Variants in DNAH3 observed in about 807,000 individuals in gnomAD.
DNAH3 encodes dynein axonemal heavy chain 3.
DNAH3 carries 332 observed loss-of-function variants against 432.5 expected under a neutral mutation model. The ratio of observed to expected loss-of-function variants is 0.77; its 90% confidence interval spans 0.70 to 0.84. The LOEUF (loss-of-function observed/expected upper bound fraction) is 0.84. Ranked by LOEUF, DNAH3 falls within the 40% of genes least tolerant of loss-of-function variation. The probability of loss-of-function intolerance (pLI) is 0.00; values close to 1 mark genes in which losing one functional copy is unlikely to be tolerated. For synonymous variants in DNAH3, 1,956 were observed against 1,900.2 expected, an observed-to-expected ratio of 1.03 and a Z score of -0.76; for missense variants, 4,861 against 5,114.0, an observed-to-expected ratio of 0.95 and a Z score of 1.51.
At chr16:21,035,479 C>A (rs2048182539) in intron 35 of DNAH3, among the ~76,000 whole-genome samples, 1 of 152,070 alleles carries the variant, frequency 6.6e-6, no homozygotes, top group Non-Finnish European at 1.5e-5. Context: ...TACTAAGCTA[C>A]ATGAAAGTTC....
chr16:21,141,615 C>T (rs1185124270), intron 3 of DNAH3, among the ~76,000 whole-genome samples: 1 of 152,174 alleles, frequency 6.6e-6, no homozygotes, highest in African/African-American at 2.4e-5. Context: ...TGGGGATGTG[C>T]GTATCTTCCA....
chr16:21,139,526 G>A (rs2092690985), intron 5 of DNAH3, among the ~76,000 whole-genome samples: 1 of 151,508 alleles, frequency 6.6e-6, no homozygotes, highest in African/African-American at 2.4e-5. Context: ...GCCCAGACTG[G>A]AATGTAGTGG....
rs143518577 is a variant in DNAH3 at position 20,964,494 on chromosome 16, A to T, written c.9390T>A (p.Ile3130=). 105 of 1,614,040 alleles carry T rather than the reference A, an allele frequency of 6.5e-5. No individual in the cohort carries two copies. In the African/African-American group the frequency reaches 1.2e-3, roughly 18 times the overall value. ...CGATAGAAGCATCCAGCTCTTCTCCAATGTTTTCAATCAAGACAGGGGTGC... is the reference window on the plus strand; with the variant it reads ...CGATAGAAGCATCCAGCTCTTCTCCTATGTTTTCAATCAAGACAGGGGTGC... Residue 3130 remains isoleucine, a synonymous_variant, in exon 53 of 62, where the codon ATT becomes ATA. Transcript: ENST00000261383.
intron 10 of DNAH3, chr16:21,121,080 C>T: frequency 1.5e-6 from 1 of 650,682 alleles, no homozygotes. Flanking sequence ...GAGCAAGGCC[C>T]ATGTGAAGCA....
chr16:20,971,601 C>T (rs1316880049), intron 51 of DNAH3, among the ~76,000 whole-genome samples: 1 of 152,196 alleles, frequency 6.6e-6, no homozygotes, highest in Non-Finnish European at 1.5e-5. Context: ...TTGAGCCTCA[C>T]CCTTTGCACC....
At position 20,985,715 on chromosome 16, in the gene DNAH3, C is replaced by CAAGTGGA; in HGVS notation, c.7027-1_7027insTCCACTT (p.Val2343SerfsTer16). 1 of 1,610,332 alleles carries CAAGTGGA rather than the reference C, an allele frequency of 6.2e-7. No homozygotes were observed. Among genetic ancestry groups the CAAGTGGA allele is most frequent in the Non-Finnish European group, 8.5e-7 (1 of 1,177,148 alleles). The stretch of plus-strand genomic sequence containing the variant: ...CCAGTGGGTGACAAGTGGATAAGCA[C>CAAGTGGA]CTGTAAGAAAAGTAAATCTCGGCGG... On this transcript the variant is annotated frameshift_variant and splice_region_variant. Coordinates refer to ENST00000261383, the Ensembl canonical transcript of DNAH3. LOFTEE classifies it high-confidence loss of function.
intron 1 of DNAH3, among the ~76,000 whole-genome samples, chr16:21,158,014 C>T (rs2092911370): frequency 6.6e-6 from 1 of 152,066 alleles, no homozygotes; most frequent in African/African-American, 2.4e-5. Flanking sequence ...TTATTCCGCC[C>T]CAAATGTCAA....
chr16:20,979,582 A>G (rs758920365), intron 49 of DNAH3, 36 bp from the exon 50 acceptor site: 12 of 1,591,538 alleles, frequency 7.5e-6, no homozygotes, highest in African/African-American at 1.3e-5. Context: ...GCAGGACCCA[A>G]CATCTTCCAG....
In DNAH3 at chr16:21,059,813, T is replaced by C. The variant is rs1036311390; in HGVS notation, c.3813+451A>G. Among the ~76,000 whole-genome samples the C allele has an allele frequency of 7.8e-4, 118 of 151,564 alleles. 2 individuals are homozygous for C. Among genetic ancestry groups the C allele is most frequent in the Admixed American group, 7.8e-3 (118 of 15,218 alleles). ...AAAGAAGAAAGAGAGCTAGAGTCGC[T>C]CAACGTGAATGTGACTACAGGCTGG... On this transcript the variant is annotated intron_variant, in intron 26 of 61. Transcript: ENST00000261383.
At chr16:21,000,937 A>T (rs1045918101) in intron 42 of DNAH3, among the ~76,000 whole-genome samples, 1 of 152,202 alleles carries the variant, frequency 6.6e-6, no homozygotes, top group Non-Finnish European at 1.5e-5. Context: ...GGATCAGTCC[A>T]TAGCTGCTGT....
At chr16:21,072,503 T>G (rs1341910706) in intron 21 of DNAH3, among the ~76,000 whole-genome samples, 1 of 152,068 alleles carries the variant, frequency 6.6e-6, no homozygotes, top group Non-Finnish European at 1.5e-5. Flanking sequence ...ATTTTTGTAC[T>G]TTTAGCAGAG....
chr16:20,945,874 C>T (rs762453548), intron 57 of DNAH3, among the ~76,000 whole-genome samples: 9 of 152,166 alleles, frequency 5.9e-5, no homozygotes, highest in Non-Finnish European at 1.2e-4. Context: ...CAAGAACCAT[C>T]CCTTTGGGTC....
chr16:20,984,521 T>C (rs2152667872), intron 48 of DNAH3, among the ~76,000 whole-genome samples: 1 of 152,274 alleles, frequency 6.6e-6, no homozygotes, highest in East Asian at 1.9e-4. Flanking sequence ...TGTCATTCTG[T>C]GCAAGGGTAA....
At chr16:21,061,141 G>T (rs2090344900) in intron 25 of DNAH3, among the ~76,000 whole-genome samples, 1 of 148,114 alleles carries the variant, frequency 6.8e-6, no homozygotes, top group Non-Finnish European at 1.5e-5. Flanking sequence ...ACCTGGCCTT[G>T]GCCCCAGCCA....
intron 12 of DNAH3, among the ~76,000 whole-genome samples, chr16:21,116,762 T>G (rs1378074610): frequency 6.6e-6 from 1 of 152,342 alleles, no homozygotes; most frequent in South Asian, 2.1e-4. Context: ...ATTCACTTGG[T>G]AGCAAAAGTT....
intron 61 of DNAH3, among the ~76,000 whole-genome samples, 165 bp downstream of exon 61, chr16:20,935,183 G>A (rs866383870): frequency 6.6e-6 from 1 of 152,106 alleles, no homozygotes. Flanking sequence ...AATTATTTTA[G>A]GAGTAGCTTT....
chr16:21,132,907 A>T (rs58578653), intron 7 of DNAH3, among the ~76,000 whole-genome samples: 42,594 of 151,594 alleles, frequency 0.28, 6,075 homozygotes, highest in African/African-American at 0.33. Context: ...ACTTTTTTTT[A>T]AAATGAAAGA....
intron 18 of DNAH3, among the ~76,000 whole-genome samples, chr16:21,091,514 G>A (rs983307295): frequency 6.6e-6 from 1 of 152,074 alleles, no homozygotes; most frequent in African/African-American, 2.4e-5. Flanking sequence ...AATGAACAGT[G>A]GAATTTGAAA....
exon 53 of DNAH3, chr16:20,964,912 C>T (rs368894340): frequency 1.2e-5 from 20 of 1,614,174 alleles, no homozygotes; most frequent in African/African-American, 6.7e-5. Context: ...ATTAGTATAG[C>T]GGATCCCCAG....
Sources: gnomAD v4.1 joint callset for allele counts (sites outside exome capture counted in the v4.1 genomes callset) on GRCh38, gnomAD v4.1.1 for gene constraint, MANE v1.5 for transcripts, NCBI Gene and HGNC (gene_info 2026-07-23, HGNC 2026-07-21) for gene names.